Variants in PRRC2B observed in about 807,000 individuals in gnomAD.
The protein encoded by PRRC2B is protein PRRC2B.
A neutral mutation model predicts 242.3 loss-of-function variants in PRRC2B; 68 were observed. That is an observed-to-expected ratio of 0.28 (90% CI 0.23 to 0.34). The LOEUF is 0.34. Ranked by LOEUF, PRRC2B falls within the 10% of genes least tolerant of loss-of-function variation. PRRC2B has a pLI of 1.00. For synonymous variants in PRRC2B, 1,228 were observed against 1,173.6 expected (o/e 1.05, Z -0.95); for missense variants, 2,835 against 2,954.8 (o/e 0.96, Z 0.94).
chr9:131,407,602 C>T (rs866835358), intron 1 of PRRC2B, among the ~76,000 whole-genome samples: 1 of 152,220 alleles, frequency 6.6e-6, no homozygotes, highest in African/African-American at 2.4e-5. Flanking sequence ...TCATGCACGG[C>T]TTCTGGGGTC....
chr9:131,406,828 A>T (rs1837375391), intron 1 of PRRC2B, among the ~76,000 whole-genome samples: 1 of 152,154 alleles, frequency 6.6e-6, no homozygotes, highest in African/African-American at 2.4e-5. Flanking sequence ...TGCTACAAAC[A>T]TCAAGCTCCA....
chr9:131,458,507 T>A (rs1207719726), intron 10 of PRRC2B, among the ~76,000 whole-genome samples: 4 of 152,106 alleles, frequency 2.6e-5, no homozygotes, highest in African/African-American at 4.8e-5. Flanking sequence ...GTTTTTATTT[T>A]TTTTTTTTTC....
intron 2 of PRRC2B, among the ~76,000 whole-genome samples, chr9:131,431,471 G>A (rs1405480126): frequency 6.6e-6 from 1 of 151,650 alleles, no homozygotes; most frequent in Non-Finnish European, 1.5e-5. Context: ...CTCCATGTTG[G>A]TCAGGCTGGT....
chr9:131,432,490 CTT>C, intron 2 of PRRC2B, 125 bp from the exon 3 acceptor site: 1 of 864,494 alleles, frequency 1.2e-6, no homozygotes, highest in African/African-American at 1.7e-5. Flanking sequence ...CTGGTCTGCC[CTT>C]TGTTTTTTGT....
At chr9:131,404,280 C>T (rs1027517429) in intron 1 of PRRC2B, among the ~76,000 whole-genome samples, 18 of 144,000 alleles carry the variant, frequency 1.3e-4, no homozygotes, top group Admixed American at 2.9e-4. Flanking sequence ...AAGGCAATGG[C>T]GTGATCTTGG....
chr9:131,484,751 C>T lies in PRRC2B; in HGVS notation c.5526C>T (p.Leu1842=). ...RDHHIQRAIG[L]SPMSFPTADL... ...ATCACATCCAGAGGGCCATCGGTCT[C>T]TCCCCAATGTCCTTCCCCACCGCCG... Residue 1842 remains leucine (L), a synonymous_variant, in exon 24 of 32, where the codon CTC becomes CTT. Transcript: ENST00000683519. 6.2e-7 allele frequency: 1 copy of T among 1,613,036 alleles called. No homozygotes were observed. Among genetic ancestry groups the T allele is most frequent in the South Asian group, 1.1e-5 (1 of 90,898 alleles).
At chr9:131,437,476 C>G (rs1207121492) in intron 4 of PRRC2B, among the ~76,000 whole-genome samples, 1 of 152,196 alleles carries the variant, frequency 6.6e-6, no homozygotes, top group Non-Finnish European at 1.5e-5. Context: ...TTAGCCAGAA[C>G]TAGAAATCTA....
chr9:131,468,076 T>C (rs779314051), intron 13 of PRRC2B, among the ~76,000 whole-genome samples: 3 of 152,236 alleles, frequency 2.0e-5, no homozygotes, highest in Non-Finnish European at 4.4e-5. Flanking sequence ...TTTTCTAGTG[T>C]GCAGGCTGGT....
At chr9:131,402,511 T>C (rs528496585) in intron 1 of PRRC2B, among the ~76,000 whole-genome samples, 1 of 152,312 alleles carries the variant, frequency 6.6e-6, no homozygotes, top group South Asian at 2.1e-4. Context: ...GGCAGCAGCC[T>C]GTAGATAGTT....
At chr9:131,429,422 C>T (rs1292818857) in intron 1 of PRRC2B, among the ~76,000 whole-genome samples, 8 of 152,206 alleles carry the variant, frequency 5.3e-5, no homozygotes, top group Non-Finnish European at 1.2e-4. Context: ...GTGCGGATGG[C>T]ATAGCCCCCA....
chr9:131,451,298 C>T (rs775709646), intron 9 of PRRC2B, among the ~76,000 whole-genome samples: 2 of 151,876 alleles, frequency 1.3e-5, no homozygotes, highest in Non-Finnish European at 2.9e-5. Flanking sequence ...ACTTGGGAGG[C>T]GGAGGCAGGA....
intron 1 of PRRC2B, among the ~76,000 whole-genome samples, chr9:131,405,437 G>A (rs537218703): frequency 6.6e-6 from 1 of 152,284 alleles, no homozygotes; most frequent in South Asian, 2.1e-4. Context: ...GTCCTTGGTG[G>A]TTTTGTTGCT....
intron 1 of PRRC2B, among the ~76,000 whole-genome samples, chr9:131,416,890 T>G (rs1323665783): frequency 1.3e-5 from 2 of 152,184 alleles, no homozygotes; most frequent in Non-Finnish European, 2.9e-5. Flanking sequence ...AAAGTTTATT[T>G]CATGGGTGTG....
Position 131,478,002 on chromosome 9 carries a change from A to T in PRRC2B, c.4612+53A>T. The T allele has an allele frequency of 1.9e-6, 3 of 1,542,012 alleles. No individual in the cohort carries two copies. The East Asian group carries it at 6.8e-5, about 35-fold the overall frequency. ...AAGAACTCAGGCAGAACCAGGGGCC[A>T]TGCAGTCCTCGGGCCTCCCGAGTTT... On this transcript the variant is annotated intron_variant, in intron 17 of 31. Coordinates refer to ENST00000683519, the MANE Select transcript of PRRC2B (RefSeq NM_013318.4).
intron 1 of PRRC2B, among the ~76,000 whole-genome samples, chr9:131,422,831 C>T (rs557774669): frequency 6.6e-6 from 1 of 152,272 alleles, no homozygotes; most frequent in East Asian, 1.9e-4. Flanking sequence ...AATATGCAAC[C>T]TGGATTCTTT....
intron 28 of PRRC2B, chr9:131,490,983 T>A (rs928295679): frequency 3.8e-6 from 1 of 262,562 alleles, no homozygotes; most frequent in African/African-American, 2.2e-5. Context: ...CTGTGTCCAG[T>A]GTGTGACACA....
upstream of PRRC2B, among the ~76,000 whole-genome samples, chr9:131,392,744 C>T (rs1423091050): frequency 1.3e-5 from 2 of 151,942 alleles, no homozygotes; most frequent in East Asian, 3.9e-4. Context: ...GAAATCCCAT[C>T]TCTACCAAAA....
At chr9:131,437,486 A>G (rs1360889042) in intron 4 of PRRC2B, among the ~76,000 whole-genome samples, 2 of 152,252 alleles carry the variant, frequency 1.3e-5, no homozygotes, top group Non-Finnish European at 2.9e-5. Flanking sequence ...CTAGAAATCT[A>G]GATGAGAAGT....
chr9:131,417,187 C>T (rs1318178795), intron 1 of PRRC2B, among the ~76,000 whole-genome samples: 1 of 152,046 alleles, frequency 6.6e-6, no homozygotes, highest in East Asian at 1.9e-4. Context: ...AGAGAAGACT[C>T]CCTTGTCTTT....
Sources: gnomAD v4.1 joint callset for allele counts (sites outside exome capture counted in the v4.1 genomes callset) on GRCh38, gnomAD v4.1.1 for gene constraint, MANE v1.5 for transcripts, NCBI Gene and HGNC (gene_info 2026-07-23, HGNC 2026-07-21) for gene names.